RPRD2: variants seen among roughly 807,000 people sequenced by gnomAD.
The protein encoded by RPRD2 is regulation of nuclear pre-mRNA domain-containing protein 2.
Under a neutral mutation model 104.4 loss-of-function variants are expected in RPRD2, and 12 were observed. The ratio of observed to expected loss-of-function variants is 0.11; its 90% confidence interval spans 0.07 to 0.19. The LOEUF (loss-of-function observed/expected upper bound fraction) is 0.19. Among genes scored for constraint, RPRD2 ranks in the 10% least tolerant of loss-of-function variants. RPRD2 has a pLI of 1.00. For synonymous variants in RPRD2, 714 were observed against 684.9 expected (o/e 1.04, Z -0.66); for missense variants, 1,543 against 1,790.1 (o/e 0.86, Z 2.49).
chr1:150,463,809 G>GC (rs1668091719), intron 9 of RPRD2, among the ~76,000 whole-genome samples: 1 of 152,148 alleles, frequency 6.6e-6, no homozygotes, highest in South Asian at 2.1e-4. Context: ...TATTTATTGA[G>GC]CGCCTACAGG....
intron 9 of RPRD2, among the ~76,000 whole-genome samples, chr1:150,462,702 C>T (rs1668018828): frequency 6.6e-6 from 1 of 152,088 alleles, no homozygotes; most frequent in South Asian, 2.1e-4. Flanking sequence ...ACTACAGGTG[C>T]CTGCCACCAC....
chr1:150,431,751 G>A (rs112650477), intron 2 of RPRD2, among the ~76,000 whole-genome samples: 67 of 152,136 alleles, frequency 4.4e-4, no homozygotes, highest in Middle Eastern at 3.4e-3. Context: ...AAAGTGCTGG[G>A]ATTACAGGCG....
chr1:150,402,996 G>A (rs188329544), intron 1 of RPRD2, among the ~76,000 whole-genome samples: 17 of 151,328 alleles, frequency 1.1e-4, no homozygotes, highest in Non-Finnish European at 2.2e-4. Flanking sequence ...AAAGATCCCC[G>A]TTTCAGAAAA....
At chr1:150,413,509 A>G (rs1664096699) in intron 1 of RPRD2, among the ~76,000 whole-genome samples, 2 of 152,296 alleles carry the variant, frequency 1.3e-5, no homozygotes, top group South Asian at 4.1e-4. Context: ...AGGCTGAGGC[A>G]GGAGAATCGC....
intron 1 of RPRD2, among the ~76,000 whole-genome samples, chr1:150,398,211 T>A (rs6703432): frequency 1.9e-4 from 10 of 51,564 alleles, no homozygotes; most frequent in South Asian, 8.2e-4. Flanking sequence ...ATTTTATTTT[T>A]TTTGAGACGG....
intron 1 of RPRD2, among the ~76,000 whole-genome samples, chr1:150,376,328 A>T (rs1382138500): frequency 6.6e-6 from 1 of 152,132 alleles, no homozygotes; most frequent in Non-Finnish European, 1.5e-5. Flanking sequence ...AGAGAGAGAG[A>T]GTGATTCTTT....
intron 2 of RPRD2, among the ~76,000 whole-genome samples, chr1:150,426,353 G>C (rs961402260): frequency 2.6e-5 from 4 of 152,072 alleles, no homozygotes; most frequent in Admixed American, 2.6e-4. Context: ...AGGTTGCCTG[G>C]GTTTAAATCC....
At chr1:150,451,674 CAAAAAAA>C (rs35644538) in intron 7 of RPRD2, among the ~76,000 whole-genome samples, 2 of 106,908 alleles carry the variant, frequency 1.9e-5, no homozygotes, top group East Asian at 6.6e-4. Context: ...GACTCCGTCT[CAAAAAAA>C]AAAAAAAAAA....
At chr1:150,427,260 G>A (rs1036331158) in intron 2 of RPRD2, among the ~76,000 whole-genome samples, 3 of 152,140 alleles carry the variant, frequency 2.0e-5, no homozygotes, top group Non-Finnish European at 4.4e-5. Context: ...ATCACTTGAG[G>A]TCCGGAGATC....
At chr1:150,405,745 A>C (rs1004245666) in intron 1 of RPRD2, among the ~76,000 whole-genome samples, 8 of 152,196 alleles carry the variant, frequency 5.3e-5, no homozygotes, top group African/African-American at 1.7e-4. Context: ...CATAAGTTTT[A>C]AATTGTGCAC....
chr1:150,386,895 T>C (rs1320206011), intron 1 of RPRD2, among the ~76,000 whole-genome samples: 1 of 152,206 alleles, frequency 6.6e-6, no homozygotes, highest in African/African-American at 2.4e-5. Flanking sequence ...TCAGTTATGA[T>C]ATAATACTGA....
chr1:150,461,896 C>A (rs986728247), intron 9 of RPRD2, among the ~76,000 whole-genome samples: 5 of 152,028 alleles, frequency 3.3e-5, no homozygotes, highest in African/African-American at 7.2e-5. Context: ...AGGAGAATGG[C>A]CTGAACCCAG....
At chr1:150,446,833 CTTTTTT>C (rs782290005) in intron 7 of RPRD2, among the ~76,000 whole-genome samples, 44 of 127,494 alleles carry the variant, frequency 3.5e-4, no homozygotes, top group Middle Eastern at 4.0e-3. Context: ...AGACCTGGGT[CTTTTTT>C]TTTTTTTTTT....
intron 1 of RPRD2, among the ~76,000 whole-genome samples, chr1:150,396,200 T>TG (rs1458835613): frequency 2.0e-3 from 175 of 85,396 alleles, no homozygotes; most frequent in East Asian, 7.5e-3. Context: ...GTCTGTGTGT[T>TG]TTTTTTTTTT....
At chr1:150,446,430 TG>T (rs1361249927) in intron 7 of RPRD2, 29 bp downstream of exon 7, 2 of 1,497,678 alleles carry the variant, frequency 1.3e-6, no homozygotes, top group Non-Finnish European at 1.8e-6. Flanking sequence ...TGTCTTATAC[TG>T]AATGCTTGTT....
chr1:150,408,406 G>C (rs1195509483), intron 1 of RPRD2, among the ~76,000 whole-genome samples: 1 of 151,764 alleles, frequency 6.6e-6, no homozygotes, highest in African/African-American at 2.4e-5. Flanking sequence ...TATCCGCCTC[G>C]GCCTCCCAAA....
Position 150,473,323 on chromosome 1 carries a change from C to T in RPRD2, c.4375C>T (p.Pro1459Ser). The T allele has an allele frequency of 6.2e-7, 1 of 1,609,702 alleles. No individual in the cohort carries two copies. ...FFAPKRPFFP[P>S]RY ...TGCACCAAAACGCCCATTCTTCCCT[C>T]CCAGGTACTGATGGAAACCAAGGGA... is the stretch of plus-strand genomic sequence containing the variant. The change falls in exon 11 of 11, where the codon CCC becomes TCC. Residue 1459 changes from proline (P) to serine (S), a missense_variant. Physicochemically the swap from Pro to Ser is moderately conservative, Grantham distance 74. Coordinates refer to ENST00000369068, the MANE Select transcript of RPRD2 (RefSeq NM_015203.5).
chr1:150,460,694 T>G (rs1553898644), intron 9 of RPRD2, among the ~76,000 whole-genome samples: 2 of 132,970 alleles, frequency 1.5e-5, no homozygotes, highest in Non-Finnish European at 3.3e-5. Flanking sequence ...TGAGTCACCG[T>G]GCCCAGTCTG....
intron 1 of RPRD2, among the ~76,000 whole-genome samples, chr1:150,402,050 C>A (rs1553885535): frequency 1.3e-5 from 2 of 151,710 alleles, no homozygotes; most frequent in African/African-American, 4.8e-5. Flanking sequence ...ACCTCTGCTT[C>A]CCGGGTTCAA....
Sources: gnomAD v4.1 joint callset for allele counts (sites outside exome capture counted in the v4.1 genomes callset) on GRCh38, gnomAD v4.1.1 for gene constraint, MANE v1.5 for transcripts, NCBI Gene and HGNC (gene_info 2026-07-23, HGNC 2026-07-21) for gene names.